CACNA1G: variants seen among roughly 807,000 people sequenced by gnomAD.
CACNA1G encodes the protein voltage-dependent T-type calcium channel subunit alpha-1G.
Under a neutral mutation model 219.4 loss-of-function variants are expected in CACNA1G, and 67 were observed. The observed-to-expected ratio is 0.31, with a 90% CI of 0.25 to 0.37. The LOEUF (loss-of-function observed/expected upper bound fraction) is 0.37. Among genes scored for constraint, CACNA1G ranks in the 10% least tolerant of loss-of-function variants. The pLI is 1.00. For synonymous variants in CACNA1G, 1,296 were observed against 1,345.3 expected (o/e 0.96, Z 0.80); for missense variants, 2,380 against 3,231.4 (o/e 0.74, Z 6.39).
chr17:50,596,883 G>T lies in CACNA1G; in HGVS notation c.3218G>T (p.Gly1073Val). 2 of 1,586,590 alleles carry T rather than the reference G, an allele frequency of 1.3e-6. No homozygotes were observed. Among genetic ancestry groups the T allele is most frequent in the Non-Finnish European group, 1.7e-6 (2 of 1,166,642 alleles). The part of the protein sequence containing the change: ...GPASRRTSSS[G>V]SAEPGAAHEM... ...GCGTCGCGCCGCACCAGCAGCAGCG[G>T]GTCGGCAGAGCCTGGGGCGGCCCAC... Residue 1073 changes from glycine to valine, a missense_variant, in exon 16 of 38, where the codon GGG becomes GTG. Physicochemically the swap from Gly to Val is moderately radical, Grantham distance 109 (BLOSUM62 -3). Around this residue, in one of 17 missense-constraint regions of CACNA1G, gnomAD observed 418 missense variants for 434.3 expected, o/e 0.96. Transcript: ENST00000359106. This position sits in a 1 kb window ranked among gnomAD's most constrained non-coding sequence, Gnocchi z 4.8.
In CACNA1G at chr17:50,596,021, G is replaced by A. The variant is rs550842908; in HGVS notation, c.2980-541G>A. On this transcript the variant is annotated intron_variant, in intron 14 of 37. Coordinates refer to ENST00000359106, the MANE Select transcript of CACNA1G (RefSeq NM_018896.5). The surrounding 1 kb of genome is among the most constrained non-coding windows in gnomAD (Gnocchi z 4.8). ...TAAAAATGGGGCCAGGGAGGGGGCCGGGACTTGGGGAAGATGAAGGGAAGA... is the reference window on the plus strand; with the variant it reads ...TAAAAATGGGGCCAGGGAGGGGGCCAGGACTTGGGGAAGATGAAGGGAAGA... 6.6e-5 allele frequency among the ~76,000 whole-genome samples: 10 copies of A among 152,330 alleles called. No homozygotes were observed. The highest frequency in any genetic ancestry group is 2.0e-4 in the Admixed American group (3 of 15,304).
chr17:50,574,685 C>G (rs1166034405), intron 7 of CACNA1G, among the ~76,000 whole-genome samples: 3 of 152,176 alleles, frequency 2.0e-5, no homozygotes, highest in Non-Finnish European at 4.4e-5. Context: ...TTCCTAACAG[C>G]TCTCTGGAAT....
Position 50,605,992 on chromosome 17 carries a change from G to T in CACNA1G, c.4391G>T (p.Arg1464Leu). The T allele has an allele frequency of 6.2e-7, 1 of 1,613,816 alleles. No individual in the cohort carries two copies. The highest frequency in any genetic ancestry group is 8.5e-7 in the Non-Finnish European group (1 of 1,179,872). Residue 1464 changes from arginine (R) to leucine (L), a missense_variant, in exon 23 of 38, where the codon CGG becomes CTG. Transcript: ENST00000359106. ...GCCGAGGCCAGTTACCGGTGGGTCC[G>T]GCACAAGTACAACTTTGACAACCTT... Reference protein sequence around the residue: ...DCAEASYRWVRHKYNFDNLGQ... With the variant: ...DCAEASYRWVLHKYNFDNLGQ...
chr17:50,561,767 C>T (rs2035676804), intron 1 of CACNA1G, 66 bp downstream of exon 1: 1 of 1,078,268 alleles, frequency 9.3e-7, no homozygotes, highest in Non-Finnish European at 1.1e-6. Context: ...CGCCGGGGGT[C>T]GGGGGGGAAG....
chr17:50,602,751 A>G (rs921706855), intron 19 of CACNA1G, 69 bp from the exon 20 acceptor site: 1 of 1,411,668 alleles, frequency 7.1e-7, no homozygotes, highest in Non-Finnish European at 1.0e-6. Flanking sequence ...TGACTTGTGT[A>G]TGCAGAGCAG....
chr17:50,607,746 A>G, intron 24 of CACNA1G, 81 bp from the exon 25 acceptor site: 1 of 1,253,100 alleles, frequency 8.0e-7, no homozygotes, highest in Non-Finnish European at 1.2e-6. Context: ...TTGGGTTCGC[A>G]GGAACCCAGG....
intron 4 of CACNA1G, among the ~76,000 whole-genome samples, chr17:50,570,748 G>C (rs992302311): frequency 6.6e-6 from 1 of 152,140 alleles, no homozygotes; most frequent in Non-Finnish European, 1.5e-5. Context: ...TCTAACCACC[G>C]GTGTAATTCC....
chr17:50,604,392 G>A (rs1349077875), intron 22 of CACNA1G, 111 bp downstream of exon 22: 1 of 1,349,034 alleles, frequency 7.4e-7, no homozygotes, highest in Admixed American at 2.0e-5. Flanking sequence ...TTCCAGAAAG[G>A]AATAAGCAGG....
chr17:50,618,129 G>A lies in CACNA1G; in HGVS notation c.5305+3G>A. ...CGTGGAGCTCTTTGGAGACCTGGGTGAGTTGGGGTAGGGGAGGGTGGAGGA... is the reference window on the plus strand; with the variant it reads ...CGTGGAGCTCTTTGGAGACCTGGGTAAGTTGGGGTAGGGGAGGGTGGAGGA... On this transcript the variant is annotated splice_donor_region_variant and intron_variant, in intron 31 of 37. Transcript: ENST00000359106. This position sits in a 1 kb window ranked among gnomAD's most constrained non-coding sequence, Gnocchi z 5.3. The A allele has an allele frequency of 6.2e-7, 1 of 1,613,876 alleles. No individual in the cohort carries two copies. Among genetic ancestry groups the A allele is most frequent in the Non-Finnish European group, 8.5e-7 (1 of 1,179,838 alleles).
In CACNA1G at chr17:50,626,850, A is replaced by G; in HGVS notation, c.*99A>G. ...CTGACAAAAGTTCCATATAGACACC[A>G]AGGAGGCGGAGGCGCTCCTCCCTGC... On this transcript the variant is annotated 3_prime_UTR_variant, in exon 38 of 38. Transcript: ENST00000359106. The surrounding 1 kb of genome is among the most constrained non-coding windows in gnomAD (Gnocchi z 4.3). 1 of 1,499,070 alleles carries G rather than the reference A, an allele frequency of 6.7e-7. No individual in the cohort carries two copies. Among genetic ancestry groups the G allele is most frequent in the Non-Finnish European group, 9.3e-7 (1 of 1,077,540 alleles). 92.9% of individuals were successfully genotyped at this position (1,499,070 alleles called of 1,614,324 possible). A position where few individuals can be genotyped will look rare whatever the true frequency, so the allele number is the denominator to read the frequency against.
chr17:50,573,480 AG>A, intron 7 of CACNA1G: 1 of 191,754 alleles, frequency 5.2e-6, no homozygotes, highest in Non-Finnish European at 1.1e-5. Flanking sequence ...TTTTTTTAAT[AG>A]CTTTATTGAG....
intron 13 of CACNA1G, 42 bp downstream of exon 13, chr17:50,592,134 C>T: frequency 6.4e-7 from 1 of 1,564,606 alleles, no homozygotes; most frequent in Middle Eastern, 1.7e-4. Flanking sequence ...CCACAGCAGT[C>T]CCACTTCCAA....
At chr17:50,607,677 C>T (rs2048225661) in intron 24 of CACNA1G, 150 bp from the exon 25 acceptor site, 1 of 651,996 alleles carries the variant, frequency 1.5e-6, no homozygotes, top group Non-Finnish European at 2.7e-6. Flanking sequence ...CCCCTCCCTA[C>T]TGCTTCACAT....
intron 9 of CACNA1G, among the ~76,000 whole-genome samples, chr17:50,588,250 C>T (rs1239748527): frequency 8.2e-6 from 1 of 121,636 alleles, no homozygotes; most frequent in African/African-American, 3.2e-5. Flanking sequence ...TTCACAAGCC[C>T]CTCACCATCA....
chr17:50,580,386 GGTGCCCCTCCCCCAGGGGGCACCTCCCCA>G (rs1555648165), intron 9 of CACNA1G, among the ~76,000 whole-genome samples: 3 of 151,810 alleles, frequency 2.0e-5, no homozygotes, highest in Non-Finnish European at 4.4e-5. Context: ...GCCATGGTCA[GGTGCCCCTCCCCCAGGGGGCACCTCCCCA>G]GTGCCCCCTC....
In CACNA1G at chr17:50,618,232, G is replaced by T. The variant is rs763525253; in HGVS notation, c.5316G>T (p.Glu1772Asp). ...TCCCTCCTCCCCCAGAGTGTGACGA[G>T]ACACACCCCTGTGAGGGCCTGGGCC... ...VELFGDLECD[E>D]THPCEGLGRH... The change falls in exon 32 of 38, where the codon GAG (glutamate) becomes GAT (aspartate). Residue 1772 changes from glutamate (E) to aspartate (D), a missense_variant. By Grantham distance (45) the Glu-to-Asp change is conservative. Coordinates refer to ENST00000359106, the MANE Select transcript of CACNA1G (RefSeq NM_018896.5). This position sits in a 1 kb window ranked among gnomAD's most constrained non-coding sequence, Gnocchi z 5.3. 6.2e-7 allele frequency: 1 copy of T among 1,613,566 alleles called. No individual in the cohort carries two copies. Among genetic ancestry groups the T allele is most frequent in the East Asian group, 2.2e-5 (1 of 44,874 alleles).
intron 37 of CACNA1G, among the ~76,000 whole-genome samples, chr17:50,625,198 C>T (rs539184468): frequency 3.3e-5 from 5 of 152,322 alleles, no homozygotes; most frequent in African/African-American, 7.2e-5. Context: ...ATGATCTGGC[C>T]GCCTCGGCCA....
intron 16 of CACNA1G, among the ~76,000 whole-genome samples, chr17:50,598,234 G>T (rs1276067653): frequency 6.6e-6 from 1 of 152,166 alleles, no homozygotes; most frequent in Non-Finnish European, 1.5e-5. Flanking sequence ...TCACCATGTT[G>T]GCCAGGCTGG....
chr17:50,606,378 G>A (rs2047971981), intron 23 of CACNA1G: 7 of 578,632 alleles, frequency 1.2e-5, no homozygotes, highest in Non-Finnish European at 2.1e-5. Context: ...CCCCACCATT[G>A]TCAGCTCAAT....
Sources: allele counts gnomAD v4.1 joint callset (sites outside exome capture counted in the v4.1 genomes callset), GRCh38; gene constraint gnomAD v4.1.1; regional missense constraint gnomAD v4.1.1; non-coding constraint Gnocchi (gnomAD v3.1); transcripts MANE v1.5; gene names NCBI Gene and HGNC (gene_info 2026-07-23, HGNC 2026-07-21).